Variants in RABGAP1L observed in about 807,000 individuals in gnomAD.
RABGAP1L encodes the protein RAB GTPase activating protein 1 like, also known as rab GTPase-activating protein 1-like.
RABGAP1L carries 63 observed loss-of-function variants against 137.7 expected under a neutral mutation model. That is an observed-to-expected ratio of 0.46 (90% confidence interval 0.37 to 0.56). The LOEUF (loss-of-function observed/expected upper bound fraction) is 0.56. Among genes scored for constraint, RABGAP1L ranks in the 20% least tolerant of loss-of-function variants. The probability of loss-of-function intolerance (pLI) is 0.00; values close to 1 mark genes in which losing one functional copy is unlikely to be tolerated. For synonymous variants in RABGAP1L, 431 were observed against 433.7 expected, an observed-to-expected ratio of 0.99 and a Z score of 0.08; for missense variants, 1,095 against 1,244.0, an observed-to-expected ratio of 0.88 and a Z score of 1.80.
chr1:174,436,542 A>T (rs1653333342), intron 13 of RABGAP1L, among the ~76,000 whole-genome samples: 2 of 151,996 alleles, frequency 1.3e-5, no homozygotes, highest in African/African-American at 4.8e-5. Flanking sequence ...TTCATTGTAG[A>T]TTCTAGATAT....
At chr1:174,745,651 G>C (rs1289656733) in intron 17 of RABGAP1L, among the ~76,000 whole-genome samples, 1 of 152,182 alleles carries the variant, frequency 6.6e-6, no homozygotes, top group African/African-American at 2.4e-5. Context: ...ATATGCCATA[G>C]AGCTGTTGAG....
chr1:174,963,590 A>G (rs1669358936), intron 20 of RABGAP1L, among the ~76,000 whole-genome samples: 1 of 151,556 alleles, frequency 6.6e-6, no homozygotes, highest in Non-Finnish European at 1.5e-5. Context: ...TGACACTAAT[A>G]TGTTTCTATA....
intron 13 of RABGAP1L, among the ~76,000 whole-genome samples, chr1:174,558,147 G>A (rs1666997831): frequency 6.6e-6 from 1 of 152,138 alleles, no homozygotes; most frequent in Non-Finnish European, 1.5e-5. Context: ...AAAGGCAAGG[G>A]CAGTTCATCC....
intron 13 of RABGAP1L, among the ~76,000 whole-genome samples, chr1:174,536,290 A>G (rs1488354771): frequency 6.6e-6 from 1 of 151,988 alleles, no homozygotes; most frequent in Non-Finnish European, 1.5e-5. Context: ...TGAAAGTGAA[A>G]TACTCCAAAG....
intron 14 of RABGAP1L, among the ~76,000 whole-genome samples, chr1:174,672,857 A>G (rs1677290440): frequency 6.6e-6 from 1 of 152,112 alleles, no homozygotes; most frequent in Non-Finnish European, 1.5e-5. Flanking sequence ...CTTTCATGGG[A>G]AAGGGGAAGC....
At chr1:174,597,166 G>A (rs1572446503) in intron 13 of RABGAP1L, among the ~76,000 whole-genome samples, 1 of 151,978 alleles carries the variant, frequency 6.6e-6, no homozygotes, top group South Asian at 2.1e-4. Context: ...AGAAATGTTG[G>A]CCTGGAATTT....
intron 17 of RABGAP1L, among the ~76,000 whole-genome samples, chr1:174,703,458 A>G (rs1007601678): frequency 6.6e-6 from 1 of 152,176 alleles, no homozygotes; most frequent in Admixed American, 6.5e-5. Flanking sequence ...TTGTATGTAC[A>G]TACCACATTT....
At chr1:174,916,438 T>C (rs1462092107) in intron 19 of RABGAP1L, among the ~76,000 whole-genome samples, 1 of 152,244 alleles carries the variant, frequency 6.6e-6, no homozygotes, top group Non-Finnish European at 1.5e-5. Context: ...CAAAGTTTTA[T>C]ATTCATAAGC....
At chr1:174,806,212 G>C (rs1196568577) in intron 18 of RABGAP1L, among the ~76,000 whole-genome samples, 1 of 152,180 alleles carries the variant, frequency 6.6e-6, no homozygotes, top group East Asian at 1.9e-4. Context: ...AAGATCATTC[G>C]TTAAGCCTCT....
chr1:174,484,223 A>C (rs1014100119), intron 13 of RABGAP1L, among the ~76,000 whole-genome samples: 9 of 152,118 alleles, frequency 5.9e-5, no homozygotes, highest in Non-Finnish European at 2.9e-5. Context: ...GTTTATTCAG[A>C]TGTTTTCCCA....
intron 22 of RABGAP1L, among the ~76,000 whole-genome samples, chr1:174,977,151 T>C (rs980312135): frequency 6.6e-6 from 1 of 152,218 alleles, no homozygotes; most frequent in Non-Finnish European, 1.5e-5. Context: ...GAAAAAAAGT[T>C]CCACTAAAGT....
intron 19 of RABGAP1L, among the ~76,000 whole-genome samples, chr1:174,840,526 G>A (rs1396765729): frequency 6.6e-6 from 1 of 151,636 alleles, no homozygotes; most frequent in African/African-American, 2.4e-5. Flanking sequence ...GAAGAAAGCG[G>A]GGGTGCTGGG....
chr1:174,302,930 CA>C (rs1213162726), intron 10 of RABGAP1L, among the ~76,000 whole-genome samples: 4 of 151,870 alleles, frequency 2.6e-5, no homozygotes, highest in Non-Finnish European at 4.4e-5. Context: ...AGTAAATAAC[CA>C]AAAGTAACCA....
At chr1:174,606,717 A>T (rs1427995493) in intron 13 of RABGAP1L, among the ~76,000 whole-genome samples, 3 of 152,208 alleles carry the variant, frequency 2.0e-5, no homozygotes, top group Non-Finnish European at 4.4e-5. Context: ...TCACAGGCTT[A>T]GTATTCTCAC....
intron 13 of RABGAP1L, among the ~76,000 whole-genome samples, chr1:174,423,806 G>T (rs1165478470): frequency 6.6e-6 from 1 of 151,820 alleles, no homozygotes; most frequent in African/African-American, 2.4e-5. Context: ...TCTAATTTTG[G>T]AACAACTTCT....
chr1:174,940,872 T>C (rs1665751771), intron 19 of RABGAP1L, among the ~76,000 whole-genome samples: 1 of 152,242 alleles, frequency 6.6e-6, no homozygotes, highest in South Asian at 2.1e-4. Flanking sequence ...GCCTGGTTTT[T>C]ATTTCAGAAA....
At chr1:174,267,042 AG>A (rs1326279589) in intron 7 of RABGAP1L, among the ~76,000 whole-genome samples, 1 of 152,248 alleles carries the variant, frequency 6.6e-6, no homozygotes, top group Non-Finnish European at 1.5e-5. Flanking sequence ...CACTAGGAAC[AG>A]AAAGCTGCTT....
intron 22 of RABGAP1L, 114 bp downstream of exon 22, chr1:174,976,296 G>C: frequency 1.2e-6 from 1 of 864,394 alleles, no homozygotes; most frequent in Non-Finnish European, 1.8e-6. Flanking sequence ...TGTTAAAGCA[G>C]TAATGTAAGT....
In RABGAP1L at chr1:174,990,801, G is replaced by C. The variant is rs929578463; in HGVS notation, c.*800G>C. 2 of 152,146 alleles carry C rather than the reference G, an allele frequency of 1.3e-5. No individual in the cohort carries two copies. Among genetic ancestry groups the C allele is most frequent in the Admixed American group, 1.3e-4 (2 of 15,274 alleles). 9.4% of individuals were successfully genotyped at this position (152,146 alleles called of 1,614,324 possible). On this transcript the variant is annotated 3_prime_UTR_variant, in exon 26 of 26. Coordinates refer to ENST00000681986, the MANE Select transcript of RABGAP1L (RefSeq NM_001366446.1). The stretch of plus-strand genomic sequence containing the variant: ...AATTATAAAGTTAAAGGTGGATATT[G>C]CACCTTACAGACTTAGGGAGCCTTT...
Sources: gnomAD v4.1 joint callset for allele counts (sites outside exome capture counted in the v4.1 genomes callset) on GRCh38, gnomAD v4.1.1 for gene constraint, MANE v1.5 for transcripts, NCBI Gene and HGNC (gene_info 2026-07-23, HGNC 2026-07-21) for gene names.